The following DICER1 variants were observed in gnomAD, a reference collection of about 807,000 sequenced individuals.
The protein encoded by DICER1 is endoribonuclease Dicer.
Under a neutral mutation model 194.1 loss-of-function variants are expected in DICER1, and 43 were observed. The ratio of observed to expected loss-of-function variants is 0.22; its 90% CI spans 0.17 to 0.29. The LOEUF is 0.29. Among genes scored for constraint, DICER1 ranks in the 10% least tolerant of loss-of-function variants. The pLI is 1.00. For missense variants in DICER1, 1,608 were observed against 2,317.0 expected (o/e 0.69, Z 6.28); for synonymous variants, 832 against 820.5 (o/e 1.01, Z -0.24).
At chr14:95,092,783 C>T (rs1889960750) in intron 24 of DICER1, among the ~76,000 whole-genome samples, 1 of 152,152 alleles carries the variant, frequency 6.6e-6, no homozygotes, top group African/African-American at 2.4e-5. Flanking sequence ...CCAAAGAGAG[C>T]TTAAATCTAA....
intron 1 of DICER1, chr14:95,134,522 C>T (rs1475795574): frequency 6.6e-6 from 1 of 152,204 alleles, no homozygotes; most frequent in Non-Finnish European, 1.5e-5. Flanking sequence ...GATAATTCAA[C>T]TCTGTTACTT....
intron 8 of DICER1, among the ~76,000 whole-genome samples, chr14:95,123,081 T>C (rs1284898342): frequency 6.6e-6 from 1 of 152,110 alleles, no homozygotes; most frequent in African/African-American, 2.4e-5. Context: ...ATGGATCTCA[T>C]AGAAAAGTAA....
intron 23 of DICER1, 175 bp downstream of exon 23, chr14:95,095,650 G>A (rs1004081834): frequency 1.3e-6 from 1 of 748,466 alleles, no homozygotes; most frequent in Admixed American, 2.1e-5. Flanking sequence ...AGCAATACGT[G>A]CTCCCCAAAT....
intron 1 of DICER1, among the ~76,000 whole-genome samples, chr14:95,137,372 GGGGA>G (rs1894474970): frequency 7.1e-6 from 1 of 141,272 alleles, no homozygotes; most frequent in African/African-American, 2.7e-5. Flanking sequence ...AAAAGGGAAG[GGGGA>G]AGGGGAAGGA....
At chr14:95,092,866 C>T (rs910002037) in intron 24 of DICER1, among the ~76,000 whole-genome samples, 2 of 152,194 alleles carry the variant, frequency 1.3e-5, no homozygotes, top group Non-Finnish European at 2.9e-5. Context: ...TGGAAGTCTA[C>T]GAGCTGGTCC....
rs1317385537 is a variant in DICER1, at chr14:95,124,464, G to A, written c.1108C>T (p.Leu370=). The A allele has an allele frequency of 6.2e-7, 1 of 1,614,128 alleles. No individual in the cohort carries two copies. Among genetic ancestry groups the A allele is most frequent in the South Asian group, 1.1e-5 (1 of 91,078 alleles). ...EEHFSPASLD[L]KFVTPKVIKL... is the part of the protein sequence containing the mutation. ...ATTACTTTAGGAGTTACAAATTTCAGGTCAAGTGAGGCAGGTGAGAAGTGC... is the reference window on the plus strand; with the variant it reads ...ATTACTTTAGGAGTTACAAATTTCAAGTCAAGTGAGGCAGGTGAGAAGTGC... The change falls in exon 8 of 27, where the codon CTG becomes TTG. Residue 370 remains leucine (L), a synonymous_variant. Transcript: ENST00000343455. The surrounding 1 kb of genome is among the most constrained non-coding windows in gnomAD (Gnocchi z 4.5).
Position 95,086,693 on chromosome 14 carries a change from A to G in DICER1, c.*3805T>C, listed in dbSNP as rs535310119. 4 of 233,222 alleles carry G rather than the reference A, an allele frequency of 1.7e-5. No individual in the cohort carries two copies. The highest frequency in any genetic ancestry group is 2.6e-3 in the Middle Eastern group (2 of 782). 14.4% of individuals were successfully genotyped at this position (233,222 alleles called of 1,614,324 possible). The stretch of plus-strand genomic sequence containing the variant: ...GGAAAATACAATGGTCTCAATGCAA[A>G]TTTCCTAGATATTGCTATTGGCGTC... On this transcript the variant is annotated 3_prime_UTR_variant, in exon 27 of 27. Coordinates refer to ENST00000343455, the MANE Select transcript of DICER1 (RefSeq NM_177438.3).
At chr14:95,116,823 A>T in intron 9 of DICER1, 128 bp from the exon 10 acceptor site, 1 of 936,068 alleles carries the variant, frequency 1.1e-6, no homozygotes, top group Non-Finnish European at 1.7e-6. Flanking sequence ...TAAATCCTTA[A>T]GGCCAGGCTA....
chr14:95,140,960 C>T (rs959747305), intron 1 of DICER1, among the ~76,000 whole-genome samples: 3 of 152,136 alleles, frequency 2.0e-5, no homozygotes, highest in African/African-American at 7.2e-5. Flanking sequence ...GCTACAATAG[C>T]ATGCCTAATT....
intron 1 of DICER1, among the ~76,000 whole-genome samples, chr14:95,144,645 T>C (rs1895021204): frequency 6.6e-6 from 1 of 152,140 alleles, no homozygotes; most frequent in East Asian, 1.9e-4. Context: ...AGATTCGGCA[T>C]AGAAAATGCA....
intron 15 of DICER1, 26 bp from the exon 16 acceptor site, chr14:95,108,119 CCCT>C (rs1457468957): frequency 1.3e-6 from 2 of 1,542,320 alleles, no homozygotes; most frequent in Non-Finnish European, 1.8e-6. Flanking sequence ...TGTAAAGCAC[CCCT>C]CAAAATTAAC....
chr14:95,129,689 A>C, intron 5 of DICER1, 57 bp from the exon 6 acceptor site: 1 of 1,493,662 alleles, frequency 6.7e-7, no homozygotes, highest in Non-Finnish European at 9.2e-7. Flanking sequence ...CTATAACAAG[A>C]GAGACATCGC....
intron 21 of DICER1, among the ~76,000 whole-genome samples, chr14:95,101,763 C>T (rs914767088): frequency 6.6e-6 from 1 of 152,210 alleles, no homozygotes; most frequent in African/African-American, 2.4e-5. Flanking sequence ...GCCCATTCGA[C>T]TCTCTAAGTG....
chr14:95,142,052 G>C (rs72563167), intron 1 of DICER1, among the ~76,000 whole-genome samples: 1,782 of 152,182 alleles, frequency 0.012, 40 homozygotes, highest in African/African-American at 0.04. Flanking sequence ...GTACCATGCT[G>C]TATATGAGCA....
chr14:95,129,326 T>C lies in DICER1; in HGVS notation c.734+146A>G, dbSNP rs116217403. ...TTGAACTCACAGGTAATGGTACTTA[T>C]AGAGAATTCTTACTCTTGCCCATTC... On this transcript the variant is annotated intron_variant, in intron 6 of 26. Coordinates refer to ENST00000343455, the MANE Select transcript of DICER1 (RefSeq NM_177438.3). 4.2e-3 allele frequency: 2,991 copies of C among 712,690 alleles called. 58 individuals carry two copies. In the African/African-American group the frequency reaches 0.047, roughly 11 times the overall value. 44.1% of individuals were successfully genotyped at this position (712,690 alleles called of 1,614,324 possible).
chr14:95,142,114 G>GT (rs1894861161), intron 1 of DICER1, among the ~76,000 whole-genome samples: 1 of 151,368 alleles, frequency 6.6e-6, no homozygotes, highest in Non-Finnish European at 1.5e-5. Context: ...TTTTCTTTTT[G>GT]TTTTTTATTT....
At chr14:95,139,841 A>C (rs913932767) in intron 1 of DICER1, among the ~76,000 whole-genome samples, 2 of 152,224 alleles carry the variant, frequency 1.3e-5, no homozygotes, top group African/African-American at 4.8e-5. Flanking sequence ...ATTTTCCATA[A>C]GGTTACAATG....
At chr14:95,118,851 G>A (rs1892713163) in intron 8 of DICER1, among the ~76,000 whole-genome samples, 1 of 151,732 alleles carries the variant, frequency 6.6e-6, no homozygotes, top group South Asian at 2.1e-4. Flanking sequence ...GCTGGAAGTG[G>A]CCATCTAGAA....
At chr14:95,132,820 C>T (rs1402075826) in intron 2 of DICER1, 143 bp from the exon 3 acceptor site, 20 of 756,858 alleles carry the variant, frequency 2.6e-5, no homozygotes, top group East Asian at 8.1e-5. Context: ...CCACAGTCTA[C>T]GTCTTTATAC....
Sources: allele counts gnomAD v4.1 joint callset (sites outside exome capture counted in the v4.1 genomes callset), GRCh38; gene constraint gnomAD v4.1.1; non-coding constraint Gnocchi (gnomAD v3.1); transcripts MANE v1.5; gene names NCBI Gene and HGNC (gene_info 2026-07-23, HGNC 2026-07-21).